The following PIK3C2G variants were observed in gnomAD, a reference collection of about 807,000 sequenced individuals.
The protein encoded by PIK3C2G is phosphatidylinositol 3-kinase C2 domain-containing subunit gamma.
PIK3C2G carries 168 observed loss-of-function variants against 181.1 expected under a neutral mutation model. That is an observed-to-expected ratio of 0.93 (90% confidence interval 0.82 to 1.05). The LOEUF is 1.05. Among genes scored for constraint, PIK3C2G ranks in the 50% least tolerant of loss-of-function variants. The probability of loss-of-function intolerance (pLI) is 0.00; values close to 1 mark genes in which losing one functional copy is unlikely to be tolerated. For missense variants in PIK3C2G, 1,869 were observed against 1,732.8 expected (o/e 1.08, Z -1.40); for synonymous variants, 573 against 592.2 (o/e 0.97, Z 0.47).
chr12:18,439,359 A>C (rs1258419526), intron 18 of PIK3C2G, among the ~76,000 whole-genome samples: 1 of 152,058 alleles, frequency 6.6e-6, no homozygotes, highest in Non-Finnish European at 1.5e-5. Context: ...CACATCCCTC[A>C]TCTGCCTGCT....
chr12:18,352,423 C>T (rs1023832563), intron 11 of PIK3C2G, among the ~76,000 whole-genome samples: 1 of 152,254 alleles, frequency 6.6e-6, no homozygotes, highest in Admixed American at 6.5e-5. Context: ...GGAGGACATA[C>T]AGGTGAGTGG....
At chr12:18,713,069 T>C in the PIK3C2G span, 14 of 1,538,442 alleles carry the variant, frequency 9.1e-6, no homozygotes, top group Admixed American at 7.0e-5. Flanking sequence ...CCAAAGACCA[T>C]TTGATTTTAT....
At chr12:18,609,663 G>A in intron 31 of PIK3C2G, 34 bp downstream of exon 31, 1 of 1,304,162 alleles carries the variant, frequency 7.7e-7, no homozygotes, top group East Asian at 2.5e-5. Context: ...AAACATGTAA[G>A]CCTACATCCA....
intron 16 of PIK3C2G, among the ~76,000 whole-genome samples, chr12:18,409,787 T>C (rs1050182807): frequency 6.6e-6 from 1 of 152,074 alleles, no homozygotes; most frequent in African/African-American, 2.4e-5. Context: ...CTGAGTAATC[T>C]ATAAAGAAAA....
intron 29 of PIK3C2G, 21 bp downstream of exon 29, chr12:18,567,078 C>T: frequency 9.2e-7 from 1 of 1,083,946 alleles, no homozygotes; most frequent in Non-Finnish European, 1.4e-6. Context: ...ATTAATTTTT[C>T]TATTTTTACA....
chr12:18,594,780 G>A (rs1401929660), intron 30 of PIK3C2G, among the ~76,000 whole-genome samples: 1 of 151,856 alleles, frequency 6.6e-6, no homozygotes, highest in Non-Finnish European at 1.5e-5. Context: ...TAGAGGTGTG[G>A]GGCTTTGATG....
chr12:18,363,582 T>G (rs940157421), intron 12 of PIK3C2G, among the ~76,000 whole-genome samples: 12 of 152,050 alleles, frequency 7.9e-5, no homozygotes, highest in African/African-American at 1.4e-4. Flanking sequence ...CTCAGTCATT[T>G]CCCTGCAGTC....
At chr12:18,478,829 C>T (rs1939261079) in intron 18 of PIK3C2G, among the ~76,000 whole-genome samples, 1 of 151,800 alleles carries the variant, frequency 6.6e-6, no homozygotes, top group Admixed American at 6.6e-5. Flanking sequence ...TTAAAAATTA[C>T]CCAGACGTGG....
At chr12:18,448,805 A>G (rs1236551422) in intron 18 of PIK3C2G, among the ~76,000 whole-genome samples, 1 of 151,636 alleles carries the variant, frequency 6.6e-6, no homozygotes, top group Admixed American at 6.6e-5. Context: ...AATTATATGT[A>G]TATATTATAC....
chr12:18,301,135 A>G (rs1950157562), intron 5 of PIK3C2G, among the ~76,000 whole-genome samples: 1 of 152,060 alleles, frequency 6.6e-6, no homozygotes, highest in African/African-American at 2.4e-5. Flanking sequence ...CTCTTTTTAC[A>G]ATACTCTTTG....
At chr12:18,343,514 G>A (rs17847787) in intron 10 of PIK3C2G, among the ~76,000 whole-genome samples, 154 bp downstream of exon 10, 2 of 151,316 alleles carry the variant, frequency 1.3e-5, no homozygotes, top group African/African-American at 4.9e-5. Context: ...GGAGAAAGAT[G>A]CTTTTCTAAA....
intron 16 of PIK3C2G, among the ~76,000 whole-genome samples, chr12:18,416,737 CTTTTCAAAATA>C: frequency 6.6e-6 from 1 of 152,150 alleles, no homozygotes; most frequent in Admixed American, 6.6e-5. Context: ...AAAAAAGATT[CTTTTCAAAATA>C]TTACTACTCA....
At chr12:18,707,364 G>A in the PIK3C2G span, among the ~76,000 whole-genome samples, 5 of 152,168 alleles carry the variant, frequency 3.3e-5, no homozygotes, top group African/African-American at 1.2e-4. Flanking sequence ...ACTGGGCAAA[G>A]TGATGGCCTA....
chr12:18,327,366 GT>G (rs901117002), intron 8 of PIK3C2G, among the ~76,000 whole-genome samples: 1 of 151,922 alleles, frequency 6.6e-6, no homozygotes, highest in Non-Finnish European at 1.5e-5. Flanking sequence ...GAAAAATAAT[GT>G]TTTTTTCATA....
intron 18 of PIK3C2G, among the ~76,000 whole-genome samples, chr12:18,472,919 C>A (rs1455247424): frequency 6.6e-6 from 1 of 152,232 alleles, no homozygotes; most frequent in Admixed American, 6.5e-5. Context: ...AGGCTGGTCA[C>A]AAACTCCTGA....
chr12:18,566,510 A>C (rs1325762376), intron 28 of PIK3C2G, among the ~76,000 whole-genome samples: 1 of 152,202 alleles, frequency 6.6e-6, no homozygotes, highest in Non-Finnish European at 1.5e-5. Flanking sequence ...CTAAGAGCAG[A>C]TGGACGCATA....
At chr12:18,705,123 T>A in the PIK3C2G span, 2 of 1,605,070 alleles carry the variant, frequency 1.2e-6, no homozygotes, top group Non-Finnish European at 1.7e-6. Context: ...CATGTTTTCA[T>A]GGACTTTTTT....
Position 18,399,665 on chromosome 12 carries a change from T to C in PIK3C2G, c.2133T>C (p.Ser711=). 6.5e-7 allele frequency: 1 copy of C among 1,550,128 alleles called. No homozygotes were observed. The highest frequency in any genetic ancestry group is 8.8e-7 in the Non-Finnish European group (1 of 1,138,960). The change falls in exon 16 of 33, where the codon TCT becomes TCC. Residue 711 remains serine, a synonymous_variant. Coordinates refer to ENST00000538779, the MANE Select transcript of PIK3C2G (RefSeq NM_001288772.2). ...LSQKQTPLLL[S]EEKKRYLWFY... Reference sequence around the variant, plus strand: ...TTCCAATCTGGTTTTTCAGACTCTCTGAAGAAAAGAAAAGATATTTATGGT... The same window carrying C: ...TTCCAATCTGGTTTTTCAGACTCTCCGAAGAAAAGAAAAGATATTTATGGT...
intron 25 of PIK3C2G, among the ~76,000 whole-genome samples, chr12:18,541,466 C>T (rs1006772231): frequency 3.3e-5 from 5 of 151,838 alleles, no homozygotes; most frequent in African/African-American, 1.2e-4. Flanking sequence ...TTATGGAAGG[C>T]TCCCAGAGAA....
Sources: allele counts gnomAD v4.1 joint callset (sites outside exome capture counted in the v4.1 genomes callset), GRCh38; gene constraint gnomAD v4.1.1; transcripts MANE v1.5; gene names NCBI Gene and HGNC (gene_info 2026-07-23, HGNC 2026-07-21).